DPYD: variants seen among roughly 807,000 people sequenced by gnomAD.
The protein encoded by DPYD is dihydropyrimidine dehydrogenase [NADP(+)].
In DPYD, 109 loss-of-function variants were observed where a neutral mutation model predicts 116.2. The observed-to-expected ratio is 0.94, with a 90% CI of 0.80 to 1.10. DPYD has a LOEUF of 1.10. Among genes scored for constraint, DPYD ranks in the 50% least tolerant of loss-of-function variants. DPYD has a pLI of 0.00. For synonymous variants in DPYD, 440 were observed against 432.0 expected (o/e 1.02, Z -0.23); for missense variants, 1,302 against 1,254.5 (o/e 1.04, Z -0.57).
chr1:97,655,249 C>A lies in DPYD; in HGVS notation c.850+23846G>T, dbSNP rs142997877. Among the ~76,000 whole-genome samples the A allele has an allele frequency of 2.0e-4, 31 of 152,244 alleles. No individual in the cohort carries two copies. The East Asian group carries it at 5.0e-3, about 25-fold the overall frequency. ...AGTGAAGAGGAATTCTGAAAATGAA[C>A]AAAATCCTCTGGGATCCCACAATGA... is the stretch of plus-strand genomic sequence containing the variant. On this transcript the variant is annotated intron_variant, in intron 8 of 22. Coordinates refer to ENST00000370192, the MANE Select transcript of DPYD (RefSeq NM_000110.4).
At chr1:97,125,244 A>C (rs1006519318) in intron 20 of DPYD, among the ~76,000 whole-genome samples, 3 of 151,980 alleles carry the variant, frequency 2.0e-5, no homozygotes, top group Non-Finnish European at 2.9e-5. Flanking sequence ...GTGAATGGAG[A>C]CTCAACATGT....
intron 21 of DPYD, among the ~76,000 whole-genome samples, chr1:97,091,118 TGTTC>T: frequency 6.6e-6 from 1 of 152,308 alleles, no homozygotes; most frequent in East Asian, 1.9e-4. Context: ...CTGAAAAACT[TGTTC>T]AGACAAGAGG....
intron 5 of DPYD, among the ~76,000 whole-genome samples, chr1:97,712,026 C>G (rs1332256304): frequency 1.4e-4 from 21 of 151,870 alleles, no homozygotes; most frequent in Admixed American, 1.3e-3. Context: ...TTCCCTTTAT[C>G]TTGAAGTTCT....
intron 19 of DPYD, among the ~76,000 whole-genome samples, chr1:97,199,982 T>G (rs1358021332): frequency 6.6e-6 from 1 of 152,064 alleles, no homozygotes; most frequent in Admixed American, 6.6e-5. Flanking sequence ...TAAAATAAAT[T>G]TACAAGGAAG....
At chr1:97,355,568 T>C (rs550000777) in intron 16 of DPYD, among the ~76,000 whole-genome samples, 22 of 152,312 alleles carry the variant, frequency 1.4e-4, no homozygotes, top group Non-Finnish European at 2.6e-4. Flanking sequence ...TTTGACCATC[T>C]TCTCCCTATT....
chr1:97,824,259 T>C (rs1481659977), intron 3 of DPYD, among the ~76,000 whole-genome samples: 2 of 152,192 alleles, frequency 1.3e-5, no homozygotes, highest in African/African-American at 4.8e-5. Flanking sequence ...TACCAGGTTA[T>C]GGATCTACCT....
intron 8 of DPYD, among the ~76,000 whole-genome samples, chr1:97,665,875 C>T (rs1013845884): frequency 6.6e-6 from 1 of 152,114 alleles, no homozygotes; most frequent in Non-Finnish European, 1.5e-5. Context: ...CTCTGGATGG[C>T]TTTTTGTTAT....
chr1:97,280,055 T>C (rs1665210063), intron 18 of DPYD: 1 of 152,148 alleles, frequency 6.6e-6, no homozygotes. Context: ...TCAGCCACAG[T>C]AAAAGGAAGA....
intron 18 of DPYD, among the ~76,000 whole-genome samples, chr1:97,245,217 G>A (rs947567482): frequency 2.6e-5 from 4 of 152,048 alleles, no homozygotes. Context: ...TAAATAGTAT[G>A]TGCATGTAAG....
chr1:97,835,402 A>G (rs924627929), intron 2 of DPYD, among the ~76,000 whole-genome samples: 1 of 152,112 alleles, frequency 6.6e-6, no homozygotes, highest in African/African-American at 2.4e-5. Flanking sequence ...TATTTTTAAA[A>G]GATAGAATGA....
chr1:97,505,475 AATT>A (rs1647258600), intron 13 of DPYD, among the ~76,000 whole-genome samples: 2 of 151,542 alleles, frequency 1.3e-5, no homozygotes, highest in African/African-American at 4.8e-5. Flanking sequence ...GAAAATAAAA[AATT>A]ATTAAAAAAT....
chr1:97,337,249 A>G (rs1357651559), intron 16 of DPYD, among the ~76,000 whole-genome samples: 2 of 152,202 alleles, frequency 1.3e-5, no homozygotes, highest in East Asian at 1.9e-4. Flanking sequence ...GATGAGGCTC[A>G]GATTAAGCAT....
chr1:97,489,723 T>C (rs972847246), intron 13 of DPYD, among the ~76,000 whole-genome samples: 3 of 152,206 alleles, frequency 2.0e-5, no homozygotes, highest in Admixed American at 2.0e-4. Context: ...ACTTGACACA[T>C]GCATGAACTC....
chr1:97,469,731 T>C (rs1038425969), intron 13 of DPYD, among the ~76,000 whole-genome samples: 11 of 152,188 alleles, frequency 7.2e-5, no homozygotes, highest in African/African-American at 2.7e-4. Flanking sequence ...TGGATCAATT[T>C]TGTAATGGAA....
At chr1:97,764,461 T>G (rs1414322269) in intron 3 of DPYD, among the ~76,000 whole-genome samples, 1 of 152,082 alleles carries the variant, frequency 6.6e-6, no homozygotes, top group Non-Finnish European at 1.5e-5. Flanking sequence ...TGACATTACA[T>G]CTGCACTACA....
chr1:97,776,969 T>A (rs1009639437), intron 3 of DPYD, among the ~76,000 whole-genome samples: 2 of 152,208 alleles, frequency 1.3e-5, no homozygotes, highest in Non-Finnish European at 2.9e-5. Context: ...GCTACAAACG[T>A]GAGTTTTAAT....
chr1:97,474,097 T>C (rs977376741), intron 13 of DPYD, among the ~76,000 whole-genome samples: 6 of 151,702 alleles, frequency 4.0e-5, no homozygotes, highest in African/African-American at 1.5e-4. Flanking sequence ...TAGGTTACCG[T>C]ATGATCCAGC....
chr1:97,571,627 CT>C (rs937425867), intron 11 of DPYD, among the ~76,000 whole-genome samples: 1 of 151,866 alleles, frequency 6.6e-6, no homozygotes, highest in African/African-American at 2.4e-5. Context: ...GTGATAATCA[CT>C]AGGTACCATC....
At chr1:97,388,406 G>T (rs1216273525) in intron 14 of DPYD, among the ~76,000 whole-genome samples, 2 of 152,038 alleles carry the variant, frequency 1.3e-5, no homozygotes, top group Non-Finnish European at 2.9e-5. Flanking sequence ...AAGTCACCAG[G>T]CTAGATGACT....
Sources: allele counts gnomAD v4.1 joint callset (sites outside exome capture counted in the v4.1 genomes callset), GRCh38; gene constraint gnomAD v4.1.1; transcripts MANE v1.5; gene names NCBI Gene and HGNC (gene_info 2026-07-23, HGNC 2026-07-21).